ANKRD24: variants seen among roughly 807,000 people sequenced by gnomAD.
The protein encoded by ANKRD24 is ankyrin repeat domain-containing protein 24.
ANKRD24 carries 109 observed loss-of-function variants against 127.8 expected under a neutral mutation model. The observed-to-expected ratio is 0.85, with a 90% CI of 0.73 to 1.00. The LOEUF (loss-of-function observed/expected upper bound fraction) is 1.00. Ranked by LOEUF, ANKRD24 falls within the 50% of genes least tolerant of loss-of-function variation. ANKRD24 has a pLI of 0.00. For synonymous variants in ANKRD24, 743 were observed against 671.1 expected (o/e 1.11, Z -1.66); for missense variants, 1,648 against 1,570.2 (o/e 1.05, Z -0.84).
intron 21 of ANKRD24, 84 bp downstream of exon 21, chr19:4,224,276 T>C: frequency 1.4e-6 from 2 of 1,431,862 alleles, no homozygotes; most frequent in East Asian, 2.4e-5. Flanking sequence ...TTCTGTACAG[T>C]GGGAGGCTGG....
At chr19:4,207,085 C>CTTTT (rs34475477) in intron 7 of ANKRD24, 157 bp from the exon 8 acceptor site, 34 of 430,554 alleles carry the variant, frequency 7.9e-5, no homozygotes, top group South Asian at 2.5e-4. Flanking sequence ...ATAATGTTTG[C>CTTTT]TTTTTTTTTT....
chr19:4,217,224 T>G lies in ANKRD24; in HGVS notation c.2064T>G (p.Ser688Arg), dbSNP rs757753809. 48 of 1,600,878 alleles carry G rather than the reference T, an allele frequency of 3.0e-5. No individual in the cohort carries two copies. The Admixed American group carries it at 4.7e-4, about 16-fold the overall frequency. Residue 688 changes from serine (S) to arginine (R), a missense_variant, in exon 18 of 22, where the codon AGT (serine) becomes AGG (arginine). Ser to Arg is a moderately radical substitution (Grantham distance 110). Transcript: ENST00000318934. ...CAGGGATGGAATCCACAGGAGTCAG[T>G]GCCACAGGTGTGGAGAACCCAGGGG... The part of the protein sequence containing the change: ...RATGMESTGV[S>R]ATGVENPGVE...
chr19:4,212,763 C>A, intron 15 of ANKRD24, 65 bp downstream of exon 15: 1 of 1,423,668 alleles, frequency 7.0e-7, no homozygotes, highest in Non-Finnish European at 9.6e-7. Flanking sequence ...CCTACAGCAG[C>A]GACAAGACAG....
chr19:4,201,894 A>G (rs1370218573), intron 5 of ANKRD24, 132 bp from the exon 6 acceptor site: 2 of 748,890 alleles, frequency 2.7e-6, no homozygotes. Flanking sequence ...CAGGGAAAAA[A>G]GGAGAGAAAT....
intron 17 of ANKRD24, 49 bp from the exon 18 acceptor site, chr19:4,216,501 C>A (rs751542047): frequency 6.4e-7 from 1 of 1,563,948 alleles, no homozygotes; most frequent in Non-Finnish European, 8.7e-7. Flanking sequence ...TGTGTCCCCA[C>A]GGTCACATCA....
At chr19:4,214,670 A>G (rs556750669) in intron 15 of ANKRD24, among the ~76,000 whole-genome samples, 3 of 151,790 alleles carry the variant, frequency 2.0e-5, no homozygotes, top group Admixed American at 6.6e-5. Context: ...CCTGGCCAAC[A>G]TGGGGAAACC....
chr19:4,224,378 G>T, intron 21 of ANKRD24, 50 bp from the exon 22 acceptor site: 2 of 1,582,826 alleles, frequency 1.3e-6, no homozygotes, highest in East Asian at 2.3e-5. Context: ...GGGACTTGGG[G>T]CAGCCATGGA....
In ANKRD24 at chr19:4,218,013, C is replaced by T. The variant is rs1299721900; in HGVS notation, c.2853C>T (p.Arg951=). The change falls in exon 18 of 22, where the codon CGC becomes CGT. Residue 951 remains arginine, a synonymous_variant. Coordinates refer to ENST00000318934, the MANE Select transcript of ANKRD24 (RefSeq NM_001393985.1). ...CGGGCAAGGAGGCCGCCCGGCTGCG[C>T]GCGGAGCTGGAGCGGGAGCGTGTGT... is the stretch of plus-strand genomic sequence containing the variant. ...VATGKEAARL[R]AELERERVCS... 5.2e-6 allele frequency: 8 copies of T among 1,547,546 alleles called. No homozygotes were observed. The South Asian group carries it at 5.9e-5, about 11-fold the overall frequency.
At chr19:4,207,404 G>A in intron 8 of ANKRD24, 92 bp downstream of exon 8, 1 of 1,581,110 alleles carries the variant, frequency 6.3e-7, no homozygotes, top group African/African-American at 1.3e-5. Flanking sequence ...GAAAGTCTGA[G>A]AAAGTTTGAG....
Position 4,182,845 on chromosome 19 carries a change from G to A in ANKRD24, c.-37+105G>A, listed in dbSNP as rs145959288. On this transcript the variant is annotated intron_variant, in intron 1 of 21. Coordinates refer to ENST00000318934, the MANE Select transcript of ANKRD24 (RefSeq NM_001393985.1). ...GTCACCTCTAAAATGCGGGACACAG[G>A]CTATCCATGTCCCCACAACCCCTTT... is the stretch of plus-strand genomic sequence containing the variant. 2,092 of 641,284 alleles carry A rather than the reference G, an allele frequency of 3.3e-3. 7 individuals are homozygous for A. The highest frequency in any genetic ancestry group is 3.7e-3 in the Non-Finnish European group (1,920 of 515,748). 39.7% of individuals were successfully genotyped at this position (641,284 alleles called of 1,614,324 possible). A position where few individuals can be genotyped will look rare whatever the true frequency, so the allele number is the denominator to read the frequency against.
At chr19:4,223,999 C>T (rs1031231930) in intron 20 of ANKRD24, 128 bp from the exon 21 acceptor site, 22 of 707,450 alleles carry the variant, frequency 3.1e-5, no homozygotes, top group Non-Finnish European at 4.6e-5. Context: ...TATGCCCCGC[C>T]ATATTTTCAT....
chr19:4,220,577 CAG>C (rs796721541), intron 19 of ANKRD24, among the ~76,000 whole-genome samples: 2 of 152,206 alleles, frequency 1.3e-5, no homozygotes, highest in African/African-American at 4.8e-5. Flanking sequence ...TTTTCTGAGG[CAG>C]AGTCTTGCTC....
chr19:4,208,848 A>G (rs756977635), intron 11 of ANKRD24, 47 bp downstream of exon 11: 4 of 1,585,352 alleles, frequency 2.5e-6, no homozygotes, highest in Non-Finnish European at 1.7e-6. Context: ...CTGCATCCAC[A>G]CTAACTTCTC....
In ANKRD24 at chr19:4,198,318, G is replaced by T; in HGVS notation, c.37-1365G>T. 1 of 413,332 alleles carries T rather than the reference G, an allele frequency of 2.4e-6. No homozygotes were observed. The highest frequency in any genetic ancestry group is 4.3e-6 in the Non-Finnish European group (1 of 234,262). The allele number at this position is 413,332 out of a possible 1,614,324, so 25.6% of individuals were successfully genotyped here. A position where few individuals can be genotyped will look rare whatever the true frequency, so the allele number is the denominator to read the frequency against. The stretch of plus-strand genomic sequence containing the variant: ...CGTGGGGGAGGGGGCTGGCGAGGAG[G>T]GCAAGGGGGAGGGGGCGGCACCAGG... On this transcript the variant is annotated intron_variant, in intron 2 of 21. Coordinates refer to ENST00000318934, the MANE Select transcript of ANKRD24 (RefSeq NM_001393985.1). This position sits in a 1 kb window ranked among gnomAD's most constrained non-coding sequence, Gnocchi z 6.1.
At chr19:4,191,751 G>A (rs1568313703) in intron 2 of ANKRD24, among the ~76,000 whole-genome samples, 1 of 149,374 alleles carries the variant, frequency 6.7e-6, no homozygotes, top group Non-Finnish European at 1.5e-5. Context: ...CAAAGTGCTG[G>A]GATTACAGAC....
At position 4,195,297 on chromosome 19, in the gene ANKRD24, C is replaced by T. The variant is rs968543580; in HGVS notation, c.37-4386C>T. Reference sequence around the variant, plus strand: ...CCACGTTGGTCAGGCTGGTCTCGAACTCCCCATCTCAGGTGATCTGCCTGC... The same window carrying T: ...CCACGTTGGTCAGGCTGGTCTCGAATTCCCCATCTCAGGTGATCTGCCTGC... On this transcript the variant is annotated intron_variant, in intron 2 of 21. Transcript: ENST00000318934. The surrounding 1 kb of genome is among the most constrained non-coding windows in gnomAD (Gnocchi z 4.2). Among the ~76,000 whole-genome samples the T allele has an allele frequency of 2.0e-5, 3 of 151,794 alleles. No individual in the cohort carries two copies. The highest frequency in any genetic ancestry group is 4.4e-5 in the Non-Finnish European group (3 of 67,960).
rs144885410 is a variant in ANKRD24, at chr19:4,197,693, G to A, written c.37-1990G>A. Among the ~76,000 whole-genome samples, 307 of 152,216 alleles carry A rather than the reference G, an allele frequency of 2.0e-3. 1 individual carries two copies. Among genetic ancestry groups the A allele is most frequent in the African/African-American group, 6.8e-3 (284 of 41,522 alleles). On this transcript the variant is annotated intron_variant, in intron 2 of 21. Coordinates refer to ENST00000318934, the MANE Select transcript of ANKRD24 (RefSeq NM_001393985.1). ...AATGAATGGGTGAGCCCGTGAATGGGTGAACAAATGAATGAGTGAATGAAT... is the reference window on the plus strand; with the variant it reads ...AATGAATGGGTGAGCCCGTGAATGGATGAACAAATGAATGAGTGAATGAAT...
At position 4,199,215 on chromosome 19, in the gene ANKRD24, G is replaced by A. The variant is rs1386409761; in HGVS notation, c.37-468G>A. Among the ~76,000 whole-genome samples the A allele has an allele frequency of 2.0e-5, 3 of 151,996 alleles. No homozygotes were observed. The highest frequency in any genetic ancestry group is 1.3e-4 in the Admixed American group (2 of 15,238). ...TCCATTTGCTGGGGGCGATGTTGCAGGGGTGGCTTTCACTAAGGGATGAAT... is the reference window on the plus strand; with the variant it reads ...TCCATTTGCTGGGGGCGATGTTGCAAGGGTGGCTTTCACTAAGGGATGAAT... On this transcript the variant is annotated intron_variant, in intron 2 of 21. Coordinates refer to ENST00000318934, the MANE Select transcript of ANKRD24 (RefSeq NM_001393985.1). The surrounding 1 kb of genome is among the most constrained non-coding windows in gnomAD (Gnocchi z 5.2).
At position 4,198,795 on chromosome 19, in the gene ANKRD24, G is replaced by A. The variant is rs1968922497; in HGVS notation, c.37-888G>A. On this transcript the variant is annotated intron_variant, in intron 2 of 21. Coordinates refer to ENST00000318934, the MANE Select transcript of ANKRD24 (RefSeq NM_001393985.1). This position sits in a 1 kb window ranked among gnomAD's most constrained non-coding sequence, Gnocchi z 6.1. Reference sequence around the variant, plus strand: ...GAACATTTAGAGGGCATTGGGGGGTGCAGTTTTGGGAAAACATTTTGGAGA... The same window carrying A: ...GAACATTTAGAGGGCATTGGGGGGTACAGTTTTGGGAAAACATTTTGGAGA... Among the ~76,000 whole-genome samples, 1 of 152,212 alleles carries A rather than the reference G, an allele frequency of 6.6e-6. No individual in the cohort carries two copies. The highest frequency in any genetic ancestry group is 1.5e-5 in the Non-Finnish European group (1 of 68,046).
Sources: gnomAD v4.1 joint callset for allele counts (sites outside exome capture counted in the v4.1 genomes callset) on GRCh38, gnomAD v4.1.1 for gene constraint, Gnocchi (gnomAD v3.1) non-coding constraint, MANE v1.5 for transcripts, NCBI Gene and HGNC (gene_info 2026-07-23, HGNC 2026-07-21) for gene names.